The following MARCHF10 variants were observed in gnomAD, a reference collection of about 807,000 sequenced individuals.
MARCHF10 encodes the protein membrane associated ring-CH-type finger 10, also known as probable E3 ubiquitin-protein ligase MARCHF10.
MARCHF10 carries 64 observed loss-of-function variants against 76.2 expected under a neutral mutation model. The ratio of observed to expected loss-of-function variants is 0.84; its 90% CI spans 0.69 to 1.03. The LOEUF is 1.03. MARCHF10 is among the 50% of genes least tolerant of loss of function. The probability of loss-of-function intolerance (pLI) is 0.00; values close to 1 mark genes in which losing one functional copy is unlikely to be tolerated. For missense variants in MARCHF10, 875 were observed against 958.0 expected (o/e 0.91, Z 1.14); for synonymous variants, 340 against 357.5 (o/e 0.95, Z 0.55).
chr17:62,759,787 A>T, intron 4 of MARCHF10, 48 bp downstream of exon 4: 1 of 1,585,328 alleles, frequency 6.3e-7, no homozygotes, highest in Non-Finnish European at 8.6e-7. Context: ...TGTTATTTTT[A>T]ATACCGGGAT....
chr17:62,768,559 C>A (rs1230316955), intron 3 of MARCHF10, among the ~76,000 whole-genome samples: 1 of 152,182 alleles, frequency 6.6e-6, no homozygotes, highest in Non-Finnish European at 1.5e-5. Context: ...CTTAACAATA[C>A]CTTGCAGCAA....
chr17:62,794,864 CAG>C (rs1346285798), intron 2 of MARCHF10, among the ~76,000 whole-genome samples: 2 of 152,150 alleles, frequency 1.3e-5, no homozygotes, highest in Non-Finnish European at 2.9e-5. Context: ...TTGCATACCC[CAG>C]AGTCTGGCAT....
At chr17:62,726,621 A>G (rs971093724) in intron 6 of MARCHF10, among the ~76,000 whole-genome samples, 1 of 152,032 alleles carries the variant, frequency 6.6e-6, no homozygotes, top group Non-Finnish European at 1.5e-5. Flanking sequence ...AAGTGGTAGA[A>G]GATTATTTTT....
intron 5 of MARCHF10, among the ~76,000 whole-genome samples, chr17:62,743,260 T>C (rs1392061128): frequency 1.3e-5 from 2 of 152,216 alleles, no homozygotes; most frequent in African/African-American, 4.8e-5. Context: ...GACATCTCCT[T>C]GCTGCAGACT....
At chr17:62,805,836 TG>T (rs1173179398) in intron 1 of MARCHF10, among the ~76,000 whole-genome samples, 1 of 151,710 alleles carries the variant, frequency 6.6e-6, no homozygotes, top group Non-Finnish European at 1.5e-5. Flanking sequence ...CACTTGAACC[TG>T]GAAGGCGGAG....
At chr17:62,742,553 A>AT (rs2091551689) in intron 5 of MARCHF10, among the ~76,000 whole-genome samples, 1 of 152,150 alleles carries the variant, frequency 6.6e-6, no homozygotes, top group Non-Finnish European at 1.5e-5. Context: ...GGACATTAGG[A>AT]TGAATTCTCA....
intron 6 of MARCHF10, among the ~76,000 whole-genome samples, chr17:62,732,770 A>T (rs1299477516): frequency 6.6e-6 from 1 of 152,148 alleles, no homozygotes; most frequent in Non-Finnish European, 1.5e-5. Context: ...AGGCGGGCTG[A>T]TTGTTTGAGG....
chr17:62,729,453 T>C (rs1450243396), intron 6 of MARCHF10, among the ~76,000 whole-genome samples: 2 of 148,534 alleles, frequency 1.3e-5, no homozygotes, highest in South Asian at 2.1e-4. Flanking sequence ...AGAGAGATTA[T>C]ATATATATTT....
chr17:62,802,015 G>T (rs2093082970), intron 1 of MARCHF10, among the ~76,000 whole-genome samples: 1 of 152,170 alleles, frequency 6.6e-6, no homozygotes, highest in African/African-American at 2.4e-5. Context: ...GAGGGAGTTA[G>T]ATTGACAGAC....
chr17:62,761,280 C>T (rs1029624972), intron 3 of MARCHF10, among the ~76,000 whole-genome samples: 15 of 152,188 alleles, frequency 9.9e-5, no homozygotes, highest in Non-Finnish European at 2.2e-4. Flanking sequence ...AAACAGACCA[C>T]CCTCAGATAA....
At chr17:62,774,568 G>T (rs932818798) in intron 3 of MARCHF10, among the ~76,000 whole-genome samples, 3 of 152,052 alleles carry the variant, frequency 2.0e-5, no homozygotes, top group Admixed American at 2.0e-4. Flanking sequence ...GGAGGGGAGG[G>T]AGCTCTGAGA....
At chr17:62,805,988 T>C (rs1029028744) in intron 1 of MARCHF10, among the ~76,000 whole-genome samples, 1 of 152,072 alleles carries the variant, frequency 6.6e-6, no homozygotes, top group African/African-American at 2.4e-5. Flanking sequence ...CCATAAACTC[T>C]CTATTACATT....
At chr17:62,805,914 A>T (rs1007509258) in intron 1 of MARCHF10, among the ~76,000 whole-genome samples, 1 of 128,058 alleles carries the variant, frequency 7.8e-6, no homozygotes, top group African/African-American at 3.3e-5. Context: ...AAAATAAAAA[A>T]AAATAATAAT....
At chr17:62,707,051 C>T (rs1410546882) in intron 9 of MARCHF10, among the ~76,000 whole-genome samples, 1 of 152,216 alleles carries the variant, frequency 6.6e-6, no homozygotes, top group East Asian at 1.9e-4. Flanking sequence ...CTGTCCCTCA[C>T]CCCAGACCCA....
chr17:62,794,869 T>C (rs566642250), intron 2 of MARCHF10, among the ~76,000 whole-genome samples: 47 of 152,310 alleles, frequency 3.1e-4, no homozygotes, highest in African/African-American at 1.1e-3. Flanking sequence ...TACCCCAGAG[T>C]CTGGCATTTT....
chr17:62,722,257 G>C (rs9900082), intron 8 of MARCHF10, among the ~76,000 whole-genome samples: 1 of 139,684 alleles, frequency 7.2e-6, no homozygotes, highest in African/African-American at 2.7e-5. Flanking sequence ...CCGCCTGGGC[G>C]ACAGAGTGAG....
chr17:62,792,403 T>A (rs1229075035), intron 2 of MARCHF10, among the ~76,000 whole-genome samples: 3 of 151,978 alleles, frequency 2.0e-5, no homozygotes, highest in African/African-American at 4.8e-5. Flanking sequence ...TATGTTAACA[T>A]CAACAAGGCA....
At chr17:62,720,616 C>G (rs2090434182) in intron 8 of MARCHF10, among the ~76,000 whole-genome samples, 1 of 152,182 alleles carries the variant, frequency 6.6e-6, no homozygotes, top group African/African-American at 2.4e-5. Flanking sequence ...TTCCCCCTCC[C>G]CCTGCTGGAA....
At chr17:62,730,698 A>G (rs1422148504) in intron 6 of MARCHF10, among the ~76,000 whole-genome samples, 2 of 152,176 alleles carry the variant, frequency 1.3e-5, no homozygotes, top group Non-Finnish European at 2.9e-5. Flanking sequence ...GTTCGAGACC[A>G]GCCTGCCCAA....
Sources: allele counts gnomAD v4.1 joint callset (sites outside exome capture counted in the v4.1 genomes callset), GRCh38; gene constraint gnomAD v4.1.1; transcripts MANE v1.5; gene names NCBI Gene and HGNC (gene_info 2026-07-23, HGNC 2026-07-21).